The following STK32B variants were observed in gnomAD, a reference collection of about 807,000 sequenced individuals.
The protein encoded by STK32B is serine/threonine kinase 32B.
A neutral mutation model predicts 52.6 loss-of-function variants in STK32B; 43 were observed. That is an observed-to-expected ratio of 0.82 (90% confidence interval 0.64 to 1.05). The LOEUF (loss-of-function observed/expected upper bound fraction) is 1.05, where lower values mean the gene tolerates loss of function less well. Ranked by LOEUF, STK32B falls within the 50% of genes least tolerant of loss-of-function variation. STK32B has a pLI of 0.00. For missense variants in STK32B, 621 were observed against 534.6 expected (o/e 1.16, Z -1.59); for synonymous variants, 238 against 204.3 (o/e 1.17, Z -1.41).
At chr4:5,139,240 A>G (rs1716258127) in intron 1 of STK32B, among the ~76,000 whole-genome samples, 1 of 152,112 alleles carries the variant, frequency 6.6e-6, no homozygotes, top group Admixed American at 6.6e-5. Flanking sequence ...CACATATAGG[A>G]CCAGTGAACG....
chr4:5,054,788 A>G (rs1461202070), intron 1 of STK32B, among the ~76,000 whole-genome samples: 1 of 152,196 alleles, frequency 6.6e-6, no homozygotes, highest in Non-Finnish European at 1.5e-5. Context: ...ATTTTTAAGT[A>G]CTTTGATGTT....
chr4:5,229,850 A>G (rs1246311385), intron 3 of STK32B, among the ~76,000 whole-genome samples: 3 of 152,142 alleles, frequency 2.0e-5, no homozygotes, highest in Non-Finnish European at 2.9e-5. Flanking sequence ...CAAAGGAACA[A>G]TTTTTGGGGA....
At chr4:5,079,432 C>G (rs1437503138) in intron 1 of STK32B, among the ~76,000 whole-genome samples, 1 of 152,112 alleles carries the variant, frequency 6.6e-6, no homozygotes, top group Non-Finnish European at 1.5e-5. Flanking sequence ...CTCACTGCAT[C>G]CTAGCCAGGA....
intron 3 of STK32B, among the ~76,000 whole-genome samples, chr4:5,330,299 A>T (rs1302083516): frequency 6.6e-6 from 1 of 152,238 alleles, no homozygotes; most frequent in Non-Finnish European, 1.5e-5. Flanking sequence ...TGAACTTGAC[A>T]ACAGTTTGTG....
intron 6 of STK32B, among the ~76,000 whole-genome samples, chr4:5,418,841 G>T (rs1415603556): frequency 2.0e-5 from 3 of 152,208 alleles, no homozygotes; most frequent in Non-Finnish European, 2.9e-5. Flanking sequence ...AAACCGCCTG[G>T]AGGAGTTAGA....
At chr4:5,181,658 A>G (rs77328993) in intron 3 of STK32B, among the ~76,000 whole-genome samples, 2 of 152,382 alleles carry the variant, frequency 1.3e-5, no homozygotes, top group African/African-American at 4.8e-5. Flanking sequence ...TGTTTACGCC[A>G]TACTGTAGTC....
Position 5,467,149 on chromosome 4 carries a change from A to C in STK32B, c.1041+315A>C, listed in dbSNP as rs79296075. Among the ~76,000 whole-genome samples, 1,211 of 152,244 alleles carry C rather than the reference A, an allele frequency of 8.0e-3. 21 individuals are homozygous for C. Among genetic ancestry groups the C allele is most frequent in the African/African-American group, 0.027 (1,132 of 41,544 alleles). On this transcript the variant is annotated intron_variant, in intron 10 of 11. Transcript: ENST00000282908. The surrounding 1 kb of genome is among the most constrained non-coding windows in gnomAD (Gnocchi z 5.8). ...CCGCAGAGGCCCCCAGGGCTGCACGATGACTTTTGTGGGTCCTGGGCACTT... is the reference window on the plus strand; with the variant it reads ...CCGCAGAGGCCCCCAGGGCTGCACGCTGACTTTTGTGGGTCCTGGGCACTT...
chr4:5,244,729 C>T (rs1187026055), intron 3 of STK32B, among the ~76,000 whole-genome samples: 4 of 152,104 alleles, frequency 2.6e-5, no homozygotes, highest in Non-Finnish European at 5.9e-5. Flanking sequence ...TATAAATTTC[C>T]CTCTACACAC....
intron 3 of STK32B, among the ~76,000 whole-genome samples, chr4:5,228,138 A>G (rs1489868051): frequency 6.6e-6 from 1 of 152,140 alleles, no homozygotes; most frequent in African/African-American, 2.4e-5. Context: ...TTTCACCACC[A>G]ATGTGTTTGT....
At chr4:5,345,112 T>A (rs1733364608) in intron 4 of STK32B, among the ~76,000 whole-genome samples, 1 of 151,996 alleles carries the variant, frequency 6.6e-6, no homozygotes, top group Non-Finnish European at 1.5e-5. Context: ...AAGATAAGTA[T>A]AGAAATGCTA....
chr4:5,400,615 CT>C lies in STK32B; in HGVS notation c.472+2374del, dbSNP rs756410386. 1.9e-4 allele frequency among the ~76,000 whole-genome samples: 29 copies of C among 152,160 alleles called. No homozygotes were observed. Among genetic ancestry groups the C allele is most frequent in the Non-Finnish European group, 4.1e-4 (28 of 68,034 alleles). ...CCCCACTCCAACACTCAATGAGTGG[CT>C]TTGCAGGTGGTACAGAAAAGAAATT... On this transcript the variant is annotated intron_variant, in intron 5 of 11. Transcript: ENST00000282908. This position sits in a 1 kb window ranked among gnomAD's most constrained non-coding sequence, Gnocchi z 6.1.
At chr4:5,341,857 T>TA (rs1560335733) in intron 4 of STK32B, among the ~76,000 whole-genome samples, 2 of 151,986 alleles carry the variant, frequency 1.3e-5, no homozygotes, top group African/African-American at 2.4e-5. Context: ...CACTTTTTTT[T>TA]AAAAATACTT....
At chr4:5,278,192 G>A (rs1727959900) in intron 3 of STK32B, among the ~76,000 whole-genome samples, 1 of 152,188 alleles carries the variant, frequency 6.6e-6, no homozygotes, top group African/African-American at 2.4e-5. Context: ...CAGTAAAATT[G>A]CTGAGGAATG....
intron 5 of STK32B, among the ~76,000 whole-genome samples, chr4:5,407,634 A>G (rs1021168630): frequency 1.3e-5 from 2 of 151,916 alleles, no homozygotes; most frequent in Admixed American, 6.6e-5. Context: ...AGGTCCTCAC[A>G]TGGATGGCAG....
chr4:5,336,840 A>C (rs1577364804), intron 4 of STK32B, among the ~76,000 whole-genome samples: 1 of 152,368 alleles, frequency 6.6e-6, no homozygotes, highest in Non-Finnish European at 1.5e-5. Context: ...CTATATTGAG[A>C]GAGCCTACGA....
intron 11 of STK32B, among the ~76,000 whole-genome samples, chr4:5,480,575 C>A (rs1230446508): frequency 6.6e-6 from 1 of 151,896 alleles, no homozygotes; most frequent in African/African-American, 2.4e-5. Flanking sequence ...ATTGTGGAGA[C>A]CACGTTTTTT....
chr4:5,228,373 C>T (rs1242595005), intron 3 of STK32B, among the ~76,000 whole-genome samples: 1 of 152,200 alleles, frequency 6.6e-6, no homozygotes, highest in East Asian at 1.9e-4. Context: ...GCTGCAATTT[C>T]TTCTGCTGAC....
chr4:5,474,202 T>A (rs897287142), intron 11 of STK32B, among the ~76,000 whole-genome samples: 1 of 152,144 alleles, frequency 6.6e-6, no homozygotes, highest in Non-Finnish European at 1.5e-5. Flanking sequence ...ATCCCAGCAA[T>A]ATGATAGGGA....
At chr4:5,162,846 C>A (rs1013034963) in intron 2 of STK32B, among the ~76,000 whole-genome samples, 3 of 152,228 alleles carry the variant, frequency 2.0e-5, no homozygotes, top group Non-Finnish European at 4.4e-5. Context: ...ATAGAGTTTG[C>A]TGTTGGTGAC....
Sources: allele counts gnomAD v4.1 joint callset (sites outside exome capture counted in the v4.1 genomes callset), GRCh38; gene constraint gnomAD v4.1.1; non-coding constraint Gnocchi (gnomAD v3.1); transcripts MANE v1.5; gene names NCBI Gene and HGNC (gene_info 2026-07-23, HGNC 2026-07-21).